Variants in PTK2 observed in about 807,000 individuals in gnomAD.
The protein encoded by PTK2 is focal adhesion kinase 1.
In PTK2, 45 loss-of-function variants were observed where a neutral mutation model predicts 150.1. The observed-to-expected ratio is 0.30, with a 90% CI of 0.24 to 0.38. The LOEUF (loss-of-function observed/expected upper bound fraction) is 0.38. Ranked by LOEUF, PTK2 falls within the 10% of genes least tolerant of loss-of-function variation. PTK2 has a pLI of 1.00. For synonymous variants in PTK2, 432 were observed against 449.2 expected, an observed-to-expected ratio of 0.96 and a Z score of 0.48; for missense variants, 919 against 1,307.3, an observed-to-expected ratio of 0.70 and a Z score of 4.58.
chr8:140,793,424 A>C (rs778008846), intron 12 of PTK2, 40 bp from the exon 13 acceptor site: 1 of 1,598,000 alleles, frequency 6.3e-7, no homozygotes, highest in Non-Finnish European at 8.5e-7. Context: ...GGCTCTTTTC[A>C]CTCCTTTTGA....
At chr8:140,754,197 G>A (rs1326144558) in intron 16 of PTK2, among the ~76,000 whole-genome samples, 1 of 152,220 alleles carries the variant, frequency 6.6e-6, no homozygotes, top group African/African-American at 2.4e-5. Context: ...CAAGGAAGGG[G>A]TTCAGGTGGT....
At chr8:140,835,283 T>A (rs1440157758) in intron 7 of PTK2, among the ~76,000 whole-genome samples, 1 of 152,232 alleles carries the variant, frequency 6.6e-6, no homozygotes, top group Non-Finnish European at 1.5e-5. Flanking sequence ...GATAAATTTA[T>A]TTCTCTTCTG....
chr8:140,987,652 C>T (rs1263691604), intron 1 of PTK2, among the ~76,000 whole-genome samples: 6 of 152,194 alleles, frequency 3.9e-5, no homozygotes, highest in Non-Finnish European at 7.3e-5. Flanking sequence ...CTGACAATAA[C>T]GAGTGTTGCC....
chr8:140,732,255 T>C (rs2100049880), intron 22 of PTK2, among the ~76,000 whole-genome samples: 1 of 152,226 alleles, frequency 6.6e-6, no homozygotes, highest in South Asian at 2.1e-4. Flanking sequence ...AGCCTAATTG[T>C]ATATGTTCAA....
chr8:140,900,205 A>G (rs2100157879), intron 2 of PTK2, among the ~76,000 whole-genome samples: 1 of 152,230 alleles, frequency 6.6e-6, no homozygotes, highest in Non-Finnish European at 1.5e-5. Flanking sequence ...AGACTTCACC[A>G]AAAAGCTTTA....
intron 1 of PTK2, among the ~76,000 whole-genome samples, chr8:140,996,628 C>T (rs1416927971): frequency 6.6e-6 from 1 of 152,200 alleles, no homozygotes; most frequent in East Asian, 1.9e-4. Flanking sequence ...GATGCTAATT[C>T]TACTCTGCCT....
chr8:140,848,213 G>A (rs2100126848), intron 5 of PTK2, among the ~76,000 whole-genome samples: 1 of 152,162 alleles, frequency 6.6e-6, no homozygotes, highest in Admixed American at 6.5e-5. Context: ...TTACAGAGAA[G>A]ATAAAACACA....
chr8:140,661,240 A>G (rs2079415035), intron 31 of PTK2, among the ~76,000 whole-genome samples: 1 of 152,234 alleles, frequency 6.6e-6, no homozygotes, highest in South Asian at 2.1e-4. Context: ...ATATTCTAGA[A>G]AGATGGCTCT....
intron 1 of PTK2, among the ~76,000 whole-genome samples, chr8:140,942,502 C>G (rs894659560): frequency 2.0e-5 from 3 of 152,110 alleles, no homozygotes; most frequent in Admixed American, 6.5e-5. Flanking sequence ...TCAAGGACTT[C>G]AAGACTGTTT....
rs2100020039 is a variant in PTK2 at position 140,686,640 on chromosome 8, G to A, written c.2554C>T (p.Gln852Ter). The A allele has an allele frequency of 6.2e-7, 1 of 1,613,576 alleles. No individual in the cohort carries two copies. The highest frequency in any genetic ancestry group is 8.5e-7 in the Non-Finnish European group (1 of 1,179,608). ...TGAAAACTCAGGCTTACCGGACCCT[G>A]AAGACTTCCATCCTCCCTGTCAATA... Residue 852 changes from glutamine to a stop codon, truncating the protein, a stop_gained, in exon 27 of 32, where the codon CAG (glutamine) becomes TAG (stop). Coordinates refer to ENST00000522684, the Ensembl canonical transcript of PTK2. LOFTEE classifies it high-confidence loss of function.
chr8:140,793,908 G>T (rs1158137346), intron 12 of PTK2, among the ~76,000 whole-genome samples: 2 of 152,182 alleles, frequency 1.3e-5, no homozygotes, highest in Non-Finnish European at 2.9e-5. Flanking sequence ...GGTGAGCCAG[G>T]CAGCTATCTA....
chr8:140,813,153 G>T (rs1261845322), intron 10 of PTK2, among the ~76,000 whole-genome samples: 2 of 152,134 alleles, frequency 1.3e-5, no homozygotes, highest in African/African-American at 4.8e-5. Context: ...TTTAGCAAAT[G>T]CAAAAGAACT....
chr8:140,737,185 C>T (rs2100053073), intron 21 of PTK2, among the ~76,000 whole-genome samples: 1 of 152,182 alleles, frequency 6.6e-6, no homozygotes, highest in Non-Finnish European at 1.5e-5. Context: ...TCATTGCAGC[C>T]TCCACTACCC....
At chr8:140,816,510 T>C (rs932992379) in intron 10 of PTK2, among the ~76,000 whole-genome samples, 3 of 152,110 alleles carry the variant, frequency 2.0e-5, no homozygotes, top group African/African-American at 7.2e-5. Context: ...CTGTTTAAAG[T>C]CAACAGCCAA....
intron 14 of PTK2, among the ~76,000 whole-genome samples, chr8:140,778,855 G>A (rs552514315): frequency 4.6e-5 from 7 of 152,310 alleles, no homozygotes; most frequent in African/African-American, 1.7e-4. Flanking sequence ...GGAGGTGGCA[G>A]TCAGAGAGGG....
chr8:140,838,781 C>G (rs1023348066), intron 7 of PTK2, among the ~76,000 whole-genome samples: 1 of 151,942 alleles, frequency 6.6e-6, no homozygotes, highest in African/African-American at 2.4e-5. Flanking sequence ...CCGAGGCGGG[C>G]GGATCACAAG....
At chr8:140,787,001 G>A (rs1216011221) in intron 14 of PTK2, among the ~76,000 whole-genome samples, 8 of 152,092 alleles carry the variant, frequency 5.3e-5, no homozygotes, top group Non-Finnish European at 4.4e-5. Context: ...CTGGAGAAGT[G>A]GGTGGTGGGC....
At chr8:140,934,513 C>G (rs2100172966) in intron 1 of PTK2, 1 of 152,128 alleles carries the variant, frequency 6.6e-6, no homozygotes, top group Admixed American at 6.5e-5. Context: ...TCCTTGATTC[C>G]TTAACTTTAG....
chr8:140,932,733 C>T (rs771670317), intron 1 of PTK2, among the ~76,000 whole-genome samples: 7 of 152,136 alleles, frequency 4.6e-5, no homozygotes, highest in Non-Finnish European at 1.0e-4. Context: ...TATTCATTCA[C>T]TCTTTTTCTG....
Sources: gnomAD v4.1 joint callset for allele counts (sites outside exome capture counted in the v4.1 genomes callset) on GRCh38, gnomAD v4.1.1 for gene constraint, MANE v1.5 for transcripts, NCBI Gene and HGNC (gene_info 2026-07-23, HGNC 2026-07-21) for gene names.